The following FGF1 variants were observed in gnomAD, a reference collection of about 807,000 sequenced individuals.
The protein encoded by FGF1 is fibroblast growth factor 1.
In FGF1, 9 loss-of-function variants were observed where a neutral mutation model predicts 13.4. That is an observed-to-expected ratio of 0.67 (90% CI 0.40 to 1.17). The LOEUF (loss-of-function observed/expected upper bound fraction) is 1.17, where lower values mean the gene tolerates loss of function less well. Among genes scored for constraint, FGF1 ranks in the 50% most tolerant of loss-of-function variants. The pLI is 0.01. For missense variants in FGF1, 156 were observed against 192.7 expected, an observed-to-expected ratio of 0.81 and a Z score of 1.13; for synonymous variants, 93 against 79.0, an observed-to-expected ratio of 1.18 and a Z score of -0.94.
At chr5:142,675,388 A>G (rs1772341645) in intron 1 of FGF1, among the ~76,000 whole-genome samples, 1 of 152,074 alleles carries the variant, frequency 6.6e-6, no homozygotes, top group Non-Finnish European at 1.5e-5. Flanking sequence ...TGCGACCTGG[A>G]CCCCTTCCCA....
At chr5:142,656,430 A>G (rs892842563) in intron 1 of FGF1, among the ~76,000 whole-genome samples, 6 of 152,156 alleles carry the variant, frequency 3.9e-5, no homozygotes, top group African/African-American at 1.4e-4. Context: ...CTTCTTCCCC[A>G]CATTTTTCAT....
At chr5:142,628,308 A>T (rs1306111468) in intron 1 of FGF1, among the ~76,000 whole-genome samples, 1 of 152,204 alleles carries the variant, frequency 6.6e-6, no homozygotes, top group Non-Finnish European at 1.5e-5. Context: ...TGGGAGTTTG[A>T]GACCAGCCTG....
intron 1 of FGF1, among the ~76,000 whole-genome samples, chr5:142,627,964 T>C (rs762828674): frequency 2.0e-4 from 30 of 152,190 alleles, no homozygotes; most frequent in Non-Finnish European, 4.1e-4. Flanking sequence ...CTCATGGTCC[T>C]GTGACCACAT....
chr5:142,665,448 C>T (rs1053147553), intron 1 of FGF1, among the ~76,000 whole-genome samples: 6 of 152,116 alleles, frequency 3.9e-5, no homozygotes, highest in African/African-American at 1.2e-4. Context: ...TGGAAAAGGT[C>T]GCCACAGGTT....
At chr5:142,690,479 T>C (rs965969325), upstream of FGF1, among the ~76,000 whole-genome samples, 2 of 152,238 alleles carry the variant, frequency 1.3e-5, no homozygotes, top group Non-Finnish European at 2.9e-5. Context: ...TCACTTTGAA[T>C]GTATGGATCC....
intron 1 of FGF1, among the ~76,000 whole-genome samples, chr5:142,617,718 T>C (rs1760553046): frequency 6.6e-6 from 1 of 152,176 alleles, no homozygotes; most frequent in Non-Finnish European, 1.5e-5. Flanking sequence ...GTAACTGAGA[T>C]TGATGACTCA....
chr5:142,646,931 A>T (rs185442562), intron 1 of FGF1, among the ~76,000 whole-genome samples: 1 of 152,306 alleles, frequency 6.6e-6, no homozygotes, highest in Non-Finnish European at 1.5e-5. Context: ...GGATAAATCA[A>T]TCGGAGTTGA....
chr5:142,697,263 CTT>C (rs1753277497), intron 2 of FGF1, among the ~76,000 whole-genome samples: 1 of 152,126 alleles, frequency 6.6e-6, no homozygotes, highest in Non-Finnish European at 1.5e-5. Context: ...TCATTCAGTG[CTT>C]TTTAAAATGA....
At chr5:142,688,466 A>G (rs1008943161), upstream of FGF1, among the ~76,000 whole-genome samples, 1 of 152,254 alleles carries the variant, frequency 6.6e-6, no homozygotes, top group Admixed American at 6.5e-5. Context: ...GTCTCAGAAT[A>G]GCCCTCCAGC....
chr5:142,600,582 T>C (rs1302835638), intron 3 of FGF1, 120 bp downstream of exon 3: 1 of 739,872 alleles, frequency 1.4e-6, no homozygotes, highest in Non-Finnish European at 2.4e-6. Context: ...GGAATCCTTC[T>C]GGAAAAAATA....
chr5:142,630,970 A>G (rs562149747), intron 1 of FGF1, among the ~76,000 whole-genome samples: 1 of 152,322 alleles, frequency 6.6e-6, no homozygotes, highest in South Asian at 2.1e-4. Flanking sequence ...AAGCTGCTGG[A>G]GGACAGAAGC....
chr5:142,623,746 A>ATTT (rs11395953), intron 1 of FGF1, among the ~76,000 whole-genome samples: 56 of 146,024 alleles, frequency 3.8e-4, no homozygotes, highest in South Asian at 1.3e-3. Flanking sequence ...CATTAAAAAA[A>ATTT]TTTTTTTTTT....
intron 1 of FGF1, among the ~76,000 whole-genome samples, chr5:142,635,937 G>A (rs1445867160): frequency 1.3e-5 from 2 of 152,174 alleles, no homozygotes; most frequent in South Asian, 2.1e-4. Context: ...ATTTAAAAGC[G>A]GTGGCCCTGG....
chr5:142,642,536 G>A (rs1010116901), intron 1 of FGF1, among the ~76,000 whole-genome samples: 2 of 152,174 alleles, frequency 1.3e-5, no homozygotes, highest in South Asian at 4.1e-4. Context: ...GAACACACAG[G>A]GCTTCTGAAC....
intron 1 of FGF1, among the ~76,000 whole-genome samples, chr5:142,674,786 G>T (rs2152036234): frequency 6.6e-6 from 1 of 152,274 alleles, no homozygotes; most frequent in Admixed American, 6.5e-5. Context: ...GCAAGACGTG[G>T]TTAGAGGTTT....
At chr5:142,625,843 C>T (rs984852994) in intron 1 of FGF1, among the ~76,000 whole-genome samples, 1 of 152,320 alleles carries the variant, frequency 6.6e-6, no homozygotes, top group African/African-American at 2.4e-5. Flanking sequence ...ATTCCTTTCT[C>T]GAAATCAGCC....
At chr5:142,649,158 C>T (rs770545672) in intron 1 of FGF1, among the ~76,000 whole-genome samples, 1 of 152,140 alleles carries the variant, frequency 6.6e-6, no homozygotes, top group Non-Finnish European at 1.5e-5. Context: ...TGTGATCGCT[C>T]TTGATTCCCT....
rs970365628 is a variant in FGF1, at chr5:142,619,820, C to T, written c.-34-5659G>A. Among the ~76,000 whole-genome samples the T allele has an allele frequency of 9.4e-5, 14 of 148,644 alleles. No individual in the cohort carries two copies. The East Asian group carries it at 1.2e-3, about 13-fold the overall frequency. On this transcript the variant is annotated intron_variant, in intron 1 of 3. Coordinates refer to ENST00000337706, the MANE Select transcript of FGF1 (RefSeq NM_000800.5). ...TGCACTCCAGCCTGAGCAACAACAG[C>T]GAAACTCCGTCTCAAGAAAAACCAA...
chr5:142,620,114 T>C (rs1761224945), intron 1 of FGF1, among the ~76,000 whole-genome samples: 1 of 151,832 alleles, frequency 6.6e-6, no homozygotes, highest in Non-Finnish European at 1.5e-5. Flanking sequence ...CAGACAAATG[T>C]TAACAAAAAA....
Sources: allele counts gnomAD v4.1 joint callset (sites outside exome capture counted in the v4.1 genomes callset), GRCh38; gene constraint gnomAD v4.1.1; transcripts MANE v1.5; gene names NCBI Gene and HGNC (gene_info 2026-07-23, HGNC 2026-07-21).